The following RHOT1 variants were observed in gnomAD, a reference collection of about 807,000 sequenced individuals.
RHOT1 encodes the protein ras homolog family member T1.
In RHOT1, 27 loss-of-function variants were observed where a neutral mutation model predicts 95.3. The observed-to-expected ratio is 0.28, with a 90% CI of 0.21 to 0.39. The LOEUF (loss-of-function observed/expected upper bound fraction) is 0.39, where lower values mean the gene tolerates loss of function less well. Among genes scored for constraint, RHOT1 ranks in the 10% least tolerant of loss-of-function variants. The pLI, the probability that RHOT1 is intolerant of heterozygous loss-of-function variation, is 1.00. For missense variants in RHOT1, 578 were observed against 786.7 expected (o/e 0.73, Z 3.17); for synonymous variants, 227 against 263.5 (o/e 0.86, Z 1.34).
chr17:32,164,274 G>T (rs1206696430), intron 1 of RHOT1, among the ~76,000 whole-genome samples: 1 of 151,532 alleles, frequency 6.6e-6, no homozygotes, highest in Non-Finnish European at 1.5e-5. Context: ...TCGCTCCGTC[G>T]CCAGGCTGGA....
intron 6 of RHOT1, among the ~76,000 whole-genome samples, chr17:32,181,015 C>T (rs1020613203): frequency 3.3e-5 from 5 of 152,298 alleles, no homozygotes; most frequent in Admixed American, 3.3e-4. Flanking sequence ...TTTTTGGAAA[C>T]CCTCCTGGTT....
chr17:32,196,643 A>G (rs1387844670), intron 11 of RHOT1, among the ~76,000 whole-genome samples: 1 of 151,946 alleles, frequency 6.6e-6, no homozygotes, highest in Non-Finnish European at 1.5e-5. Flanking sequence ...TGTCCATGCT[A>G]TTTTCACCTC....
intron 1 of RHOT1, among the ~76,000 whole-genome samples, chr17:32,145,590 C>T (rs2031194648): frequency 1.3e-5 from 2 of 152,142 alleles, no homozygotes; most frequent in Admixed American, 1.3e-4. Context: ...CTCCATTTTC[C>T]GTGGAGCAGG....
At chr17:32,149,635 A>ATATATGTGTGTGTG (rs1445281403) in intron 1 of RHOT1, among the ~76,000 whole-genome samples, 2 of 59,096 alleles carry the variant, frequency 3.4e-5, no homozygotes, top group Non-Finnish European at 6.8e-5. Flanking sequence ...ATATATATAT[A>ATATATGTGTGTGTG]TGTGTGTGTG....
chr17:32,196,664 G>GC (rs986866573), intron 11 of RHOT1, among the ~76,000 whole-genome samples: 10 of 151,860 alleles, frequency 6.6e-5, no homozygotes, highest in African/African-American at 2.2e-4. Context: ...TCTCCCTCTC[G>GC]CCCCCACCTA....
Position 32,192,258 on chromosome 17 carries a change from A to G in RHOT1, c.598A>G (p.Asn200Asp), listed in dbSNP as rs1342718034. The change falls in exon 9 of 20, where the codon AAT becomes GAT. Residue 200 changes from asparagine to aspartate, a missense_variant. Physicochemically the swap from Asn to Asp is conservative, Grantham distance 23 (BLOSUM62 1). Coordinates refer to ENST00000545287, the MANE Select transcript of RHOT1 (RefSeq NM_001033566.3). ...TRIFKISDQD[N>D]DGTLNDAELN... ...TATATTTAAAATATCTGATCAAGAT[A>G]ATGATGGTACTCTCAATGATGCTGA... is the stretch of plus-strand genomic sequence containing the variant. The G allele has an allele frequency of 1.3e-6, 2 of 1,589,412 alleles. No homozygotes were observed. The highest frequency in any genetic ancestry group is 8.6e-7 in the Non-Finnish European group (1 of 1,166,632).
intron 18 of RHOT1, 133 bp downstream of exon 18, chr17:32,208,442 C>G: frequency 1.1e-6 from 1 of 881,856 alleles, no homozygotes; most frequent in Non-Finnish European, 1.8e-6. Flanking sequence ...TGAGAAGGTA[C>G]AAATTTGAGT....
intron 6 of RHOT1, among the ~76,000 whole-genome samples, chr17:32,178,203 T>C (rs1041418270): frequency 0.026 from 2,343 of 90,666 alleles, no homozygotes; most frequent in Non-Finnish European, 0.038. Flanking sequence ...ATAAATGCCC[T>C]CCCCCCCCCC....
intron 8 of RHOT1, among the ~76,000 whole-genome samples, chr17:32,188,958 T>C (rs2036254660): frequency 6.6e-6 from 1 of 152,234 alleles, no homozygotes; most frequent in Non-Finnish European, 1.5e-5. Flanking sequence ...AATCCAGTAT[T>C]TCCCAAACTT....
chr17:32,164,724 GTA>G (rs35468436), intron 1 of RHOT1, among the ~76,000 whole-genome samples: 42,543 of 150,888 alleles, frequency 0.28, 7,884 homozygotes, highest in African/African-American at 0.53. Context: ...AATTAGCCAG[GTA>G]TATAGTAGTG....
chr17:32,143,818 C>T (rs139405107), intron 1 of RHOT1, among the ~76,000 whole-genome samples: 2 of 152,330 alleles, frequency 1.3e-5, no homozygotes, highest in Admixed American at 1.3e-4. Context: ...CTGTTTTAAA[C>T]CATTATTTCA....
At chr17:32,202,974 C>A in intron 15 of RHOT1, 74 bp downstream of exon 15, 1 of 1,451,404 alleles carries the variant, frequency 6.9e-7, no homozygotes, top group Non-Finnish European at 9.5e-7. Context: ...GTTTTCATAG[C>A]CATTGACCTT....
intron 1 of RHOT1, among the ~76,000 whole-genome samples, chr17:32,149,725 A>G (rs1328318467): frequency 7.0e-6 from 1 of 143,194 alleles, no homozygotes; most frequent in Non-Finnish European, 1.5e-5. Context: ...ACATATATAT[A>G]CACATATATA....
At chr17:32,148,155 C>A (rs905073094) in intron 1 of RHOT1, among the ~76,000 whole-genome samples, 2 of 152,106 alleles carry the variant, frequency 1.3e-5, no homozygotes, top group Non-Finnish European at 2.9e-5. Context: ...GTCCCAGTTA[C>A]TCGGGAGGCC....
At chr17:32,166,775 G>C (rs1045401306) in intron 1 of RHOT1, among the ~76,000 whole-genome samples, 3 of 152,120 alleles carry the variant, frequency 2.0e-5, no homozygotes, top group African/African-American at 7.2e-5. Flanking sequence ...TCTAATTCTA[G>C]CTCTTTTCTT....
intron 1 of RHOT1, chr17:32,160,355 T>C (rs189393714): frequency 1.8e-4 from 28 of 152,422 alleles, no homozygotes; most frequent in Admixed American, 1.8e-3. Flanking sequence ...TCAGTAAAGC[T>C]CCTGTTTGTC....
At chr17:32,174,126 A>C (rs2034804682) in intron 3 of RHOT1, among the ~76,000 whole-genome samples, 2 of 152,128 alleles carry the variant, frequency 1.3e-5, no homozygotes, top group Non-Finnish European at 1.5e-5. Flanking sequence ...CCAGATTACT[A>C]AGTTGGGTTC....
At chr17:32,217,835 T>TAA (rs1438447415) in intron 19 of RHOT1, among the ~76,000 whole-genome samples, 1 of 150,968 alleles carries the variant, frequency 6.6e-6, no homozygotes, top group Non-Finnish European at 1.5e-5. Context: ...CAGAAGACTT[T>TAA]TTTTAATTTT....
intron 1 of RHOT1, among the ~76,000 whole-genome samples, chr17:32,163,387 C>T (rs999374021): frequency 2.4e-4 from 36 of 152,082 alleles, no homozygotes; most frequent in African/African-American, 2.9e-4. Context: ...AATGATGAAT[C>T]GGAGATGGTA....
Sources: allele counts gnomAD v4.1 joint callset (sites outside exome capture counted in the v4.1 genomes callset), GRCh38; gene constraint gnomAD v4.1.1; transcripts MANE v1.5; gene names NCBI Gene and HGNC (gene_info 2026-07-23, HGNC 2026-07-21).